NOSTRIN: variants seen among roughly 807,000 people sequenced by gnomAD.
NOSTRIN encodes nitric oxide synthase trafficking.
Under a neutral mutation model 59.0 loss-of-function variants are expected in NOSTRIN, and 63 were observed. The observed-to-expected ratio is 1.07, with a 90% confidence interval of 0.87 to 1.32. The LOEUF (loss-of-function observed/expected upper bound fraction) is 1.32, where lower values mean the gene tolerates loss of function less well. NOSTRIN is among the 40% of genes most tolerant of loss of function. The probability of loss-of-function intolerance (pLI) is 0.00; values close to 1 mark genes in which losing one functional copy is unlikely to be tolerated. For missense variants in NOSTRIN, 512 were observed against 473.1 expected, an observed-to-expected ratio of 1.08 and a Z score of -0.76; for synonymous variants, 200 against 165.4, an observed-to-expected ratio of 1.21 and a Z score of -1.61.
intron 10 of NOSTRIN, among the ~76,000 whole-genome samples, chr2:168,854,509 G>GT (rs1316189303): frequency 6.6e-6 from 1 of 152,096 alleles, no homozygotes; most frequent in Non-Finnish European, 1.5e-5. Context: ...TGAAAGCTCA[G>GT]ATATCATGAA....
rs572604352 is a variant in NOSTRIN, at chr2:168,790,992, TA to T, written c.-473+2947del. ...AATCAATATATTTGTTTTCTTTTTT[TA>T]AATTTTATTATTATTACACTTTAAG... On this transcript the variant is annotated intron_variant, in intron 2 of 20. Coordinates refer to the NOSTRIN transcript ENST00000458381. Among the ~76,000 whole-genome samples the T allele has an allele frequency of 6.0e-3, 911 of 152,246 alleles. 6 individuals carry two copies. The highest frequency in any genetic ancestry group is 0.021 in the African/African-American group (857 of 41,538).
At position 168,811,603 on chromosome 2, in the gene NOSTRIN, C is replaced by CA; in HGVS notation, c.68dup (p.Asn23LysfsTer22). 1 of 863,272 alleles carries CA rather than the reference C, an allele frequency of 1.2e-6. No homozygotes were observed. The highest frequency in any genetic ancestry group is 1.6e-5 in the African/African-American group (1 of 60,844). The allele number at this position is 863,272 out of a possible 1,614,324, so 53.5% of individuals were successfully genotyped here. On this transcript the variant is annotated frameshift_variant, in exon 2 of 16. Transcript: ENST00000317647. LOFTEE classifies it high-confidence loss of function. ...ATACAAGAACCTAAAGGAGTTTTCT[C>CA]AAAATGGAGAGAATTTCTGCAAACA...
intron 2 of NOSTRIN, among the ~76,000 whole-genome samples, chr2:168,813,623 T>TTTAGCTAC (rs1310041860): frequency 1.8e-4 from 27 of 152,118 alleles, no homozygotes; most frequent in Admixed American, 5.9e-4. Flanking sequence ...GACAAACATA[T>TTTAGCTAC]CCAGTGGGGA....
intron 1 of NOSTRIN, among the ~76,000 whole-genome samples, chr2:168,805,684 G>A (rs1685814156): frequency 6.6e-6 from 1 of 152,146 alleles, no homozygotes; most frequent in African/African-American, 2.4e-5. Context: ...CTCCCCGCAT[G>A]TCATCGGCCA....
chr2:168,816,887 G>A (rs1320832905), intron 2 of NOSTRIN, among the ~76,000 whole-genome samples: 1 of 152,184 alleles, frequency 6.6e-6, no homozygotes. Context: ...CTGCCTTGAA[G>A]GCACTCATAA....
At chr2:168,792,248 C>T (rs922028595) in intron 2 of NOSTRIN, among the ~76,000 whole-genome samples, 4 of 151,838 alleles carry the variant, frequency 2.6e-5, no homozygotes, top group Admixed American at 2.0e-4. Context: ...AATGAGGATG[C>T]CATCTATGAC....
intron 6 of NOSTRIN, 134 bp from the exon 7 acceptor site, chr2:168,834,093 C>G (rs1687532199): frequency 1.7e-6 from 1 of 573,282 alleles, no homozygotes; most frequent in African/African-American, 1.9e-5. Flanking sequence ...ATTTTTGTTT[C>G]AGCCTTTGGA....
intron 3 of NOSTRIN, among the ~76,000 whole-genome samples, chr2:168,826,879 C>T (rs148163560): frequency 9.2e-5 from 14 of 152,280 alleles, no homozygotes; most frequent in Non-Finnish European, 1.8e-4. Context: ...CCTGTTTGCA[C>T]TCCTTCCCAC....
chr2:168,856,420 C>CA, intron 11 of NOSTRIN: 1 of 385,780 alleles, frequency 2.6e-6, no homozygotes, highest in Non-Finnish European at 4.8e-6. Flanking sequence ...ACTAAAAATA[C>CA]GAAAATTAGC....
intron 13 of NOSTRIN, 51 bp downstream of exon 13, chr2:168,859,688 G>A (rs745599019): frequency 6.2e-7 from 1 of 1,601,774 alleles, no homozygotes; most frequent in South Asian, 1.1e-5. Context: ...CTGCTGGGTG[G>A]AGTGGCTTAA....
At chr2:168,804,833 C>T (rs1198488522) in intron 1 of NOSTRIN, among the ~76,000 whole-genome samples, 1 of 152,158 alleles carries the variant, frequency 6.6e-6, no homozygotes, top group Non-Finnish European at 1.5e-5. Context: ...ATATAGGCAA[C>T]AAGCCCCAAT....
chr2:168,822,983 T>G (rs759871336), intron 2 of NOSTRIN, among the ~76,000 whole-genome samples: 1 of 152,186 alleles, frequency 6.6e-6, no homozygotes, highest in Non-Finnish European at 1.5e-5. Flanking sequence ...GTAGGACAGT[T>G]TTCTGTTCCT....
intron 11 of NOSTRIN, chr2:168,855,690 A>G (rs1158355351): frequency 4.4e-6 from 2 of 452,266 alleles, no homozygotes; most frequent in Admixed American, 4.0e-5. Flanking sequence ...TGAAACCTAT[A>G]TAAGTATTAT....
upstream of NOSTRIN, among the ~76,000 whole-genome samples, chr2:168,797,188 C>A (rs771540997): frequency 6.7e-6 from 1 of 148,910 alleles, no homozygotes; most frequent in Non-Finnish European, 1.5e-5. Flanking sequence ...TCCCCAAGCT[C>A]AGGTGATCCT....
chr2:168,816,568 A>G (rs915188364), intron 2 of NOSTRIN, among the ~76,000 whole-genome samples: 2 of 152,038 alleles, frequency 1.3e-5, no homozygotes, highest in Non-Finnish European at 2.9e-5. Context: ...ATGTTTCATC[A>G]CCTTCATTGC....
chr2:168,844,978 A>G (rs1230148562), intron 8 of NOSTRIN, among the ~76,000 whole-genome samples: 3 of 152,266 alleles, frequency 2.0e-5, no homozygotes, highest in South Asian at 2.1e-4. Flanking sequence ...CAACGGCTGC[A>G]TTTACATCTC....
chr2:168,858,173 G>T (rs182268801), intron 12 of NOSTRIN, among the ~76,000 whole-genome samples: 1 of 152,214 alleles, frequency 6.6e-6, no homozygotes. Flanking sequence ...CAGCATACAT[G>T]TATTAGGATC....
chr2:168,821,788 G>A (rs1429945521), intron 2 of NOSTRIN, among the ~76,000 whole-genome samples: 4 of 152,258 alleles, frequency 2.6e-5, no homozygotes, highest in Non-Finnish European at 4.4e-5. Context: ...CCTGAGGCAG[G>A]ATGGCAGTTG....
At chr2:168,791,341 C>T (rs143344450) in intron 2 of NOSTRIN, among the ~76,000 whole-genome samples, 12,797 of 152,250 alleles carry the variant, frequency 0.084, 682 homozygotes, top group Middle Eastern at 0.12. Context: ...TTTATGGCTG[C>T]ATAGTATTCC....
Sources: allele counts gnomAD v4.1 joint callset (sites outside exome capture counted in the v4.1 genomes callset), GRCh38; gene constraint gnomAD v4.1.1; transcripts MANE v1.5; gene names NCBI Gene and HGNC (gene_info 2026-07-23, HGNC 2026-07-21).